The following DLGAP2 variants were observed in gnomAD, a reference collection of about 807,000 sequenced individuals.
The protein encoded by DLGAP2 is DLG associated protein 2.
Under a neutral mutation model 100.3 loss-of-function variants are expected in DLGAP2, and 26 were observed. The ratio of observed to expected loss-of-function variants is 0.26; its 90% CI spans 0.19 to 0.36. The LOEUF is 0.36. Ranked by LOEUF, DLGAP2 falls within the 10% of genes least tolerant of loss-of-function variation. The pLI, the probability that DLGAP2 is intolerant of heterozygous loss-of-function variation, is 1.00. For synonymous variants in DLGAP2, 886 were observed against 630.1 expected (o/e 1.41, Z -6.08); for missense variants, 1,858 against 1,453.2 (o/e 1.28, Z -4.53).
rs775391243 is a variant in DLGAP2, at chr8:1,632,954, T to G, written c.1718T>G (p.Leu573Arg). 2 of 1,614,012 alleles carry G rather than the reference T, an allele frequency of 1.2e-6. No homozygotes were observed. The highest frequency in any genetic ancestry group is 3.3e-5 in the Admixed American group (2 of 60,024). The change falls in exon 8 of 15, where the codon CTT becomes CGT. Residue 573 changes from leucine to arginine, a missense_variant. Physicochemically the swap from Leu to Arg is moderately radical, Grantham distance 102. Transcript: ENST00000637795. ...TTCCGAACAAGGAGTCACAGCTACC[T>G]TCGAGCCATTCAAGCCGGCTACTCC... ...GCFRTRSHSY[L>R]RAIQAGYSQD...
intron 3 of DLGAP2, among the ~76,000 whole-genome samples, chr8:1,291,879 C>G (rs1048313060): frequency 2.0e-5 from 3 of 152,186 alleles, no homozygotes; most frequent in African/African-American, 7.2e-5. Flanking sequence ...AGCCTTCTCT[C>G]CAGTCTTGCC....
At chr8:1,364,767 G>C (rs1802071094) in intron 3 of DLGAP2, among the ~76,000 whole-genome samples, 2 of 152,248 alleles carry the variant, frequency 1.3e-5, no homozygotes, top group South Asian at 4.1e-4. Flanking sequence ...CGAAGGACGA[G>C]AGGGCTTCTC....
intron 1 of DLGAP2, among the ~76,000 whole-genome samples, chr8:774,167 T>C (rs1372228285): frequency 6.6e-6 from 1 of 152,204 alleles, no homozygotes; most frequent in East Asian, 1.9e-4. Context: ...TGTCTGTTCA[T>C]GTCCTTCACC....
At chr8:811,026 G>A (rs980424400) in intron 1 of DLGAP2, among the ~76,000 whole-genome samples, 10 of 152,128 alleles carry the variant, frequency 6.6e-5, no homozygotes, top group African/African-American at 2.2e-4. Context: ...AGAAGGCATC[G>A]CTGTCATCTC....
At position 1,701,263 on chromosome 8, in the gene DLGAP2, C is replaced by A. The variant is rs1215994330; in HGVS notation, c.3025C>A (p.Leu1009Met). The part of the protein sequence containing the change: ...GKFPITREKS[L>M]DLPDRQRQEA... ...GTTTCCCATCACAAGAGAAAAATCC[C>A]TGGACCTGCCCGACAGACAACGCCA... Residue 1009 changes from leucine (L) to methionine (M), a missense_variant, in exon 15 of 15, where the codon CTG becomes ATG. Transcript: ENST00000637795. 1 of 1,582,142 alleles carries A rather than the reference C, an allele frequency of 6.3e-7. No homozygotes were observed. Among genetic ancestry groups the A allele is most frequent in the East Asian group, 2.3e-5 (1 of 42,780 alleles).
intron 2 of DLGAP2, among the ~76,000 whole-genome samples, chr8:1,239,555 G>A (rs62487805): frequency 0.62 from 49,258 of 79,742 alleles, 12,522 homozygotes; most frequent in Non-Finnish European, 0.66. Context: ...ACATGGCGCC[G>A]TGTCTGGTTC....
rs1266983993 is a variant in DLGAP2 at position 1,643,396 on chromosome 8, C to A, written c.1810+10350C>A. Among the ~76,000 whole-genome samples, 5 of 15,658 alleles carry A rather than the reference C, an allele frequency of 3.2e-4. No individual in the cohort carries two copies. In the African/African-American group the frequency reaches 4.3e-3, roughly 13 times the overall value. 10.3% of individuals were successfully genotyped at this position (15,658 alleles called of 152,430 possible). A position where few individuals can be genotyped will look rare whatever the true frequency, so the allele number is the denominator to read the frequency against. ...CGGCCCTCACCTGTGTCACCCTCGA[C>A]CCCGCCGGCCCTCACCTGTGTCACC... On this transcript the variant is annotated intron_variant, in intron 8 of 14. Coordinates refer to ENST00000637795, the MANE Select transcript of DLGAP2 (RefSeq NM_001346810.2).
At chr8:1,650,526 C>T (rs771276804) in intron 8 of DLGAP2, among the ~76,000 whole-genome samples, 1 of 152,252 alleles carries the variant, frequency 6.6e-6, no homozygotes, top group Non-Finnish European at 1.5e-5. Context: ...TATTCTAAAA[C>T]ACCCGTGTTA....
intron 2 of DLGAP2, among the ~76,000 whole-genome samples, chr8:987,232 A>T (rs564478213): frequency 6.6e-6 from 1 of 152,030 alleles, no homozygotes; most frequent in East Asian, 1.9e-4. Flanking sequence ...GTCGCCTGAG[A>T]TCAGGAAGCC....
Position 900,894 on chromosome 8 carries a change from A to T in DLGAP2, c.19-7018A>T, listed in dbSNP as rs552145919. On this transcript the variant is annotated intron_variant, in intron 1 of 14. Coordinates refer to ENST00000637795, the MANE Select transcript of DLGAP2 (RefSeq NM_001346810.2). ...TCCGTAGGTCCGACAGCTGAATAAT[A>T]GAAGTTCCAGGAGAAGAGAACAGAG... Among the ~76,000 whole-genome samples, 363 of 152,378 alleles carry T rather than the reference A, an allele frequency of 2.4e-3. 1 individual carries two copies. Among genetic ancestry groups the T allele is most frequent in the African/African-American group, 8.4e-3 (349 of 41,604 alleles).
intron 1 of DLGAP2, among the ~76,000 whole-genome samples, chr8:805,121 G>T (rs1362942902): frequency 1.3e-5 from 2 of 152,172 alleles, no homozygotes; most frequent in Non-Finnish European, 2.9e-5. Context: ...TTCGTAATGG[G>T]AATGATTTGC....
chr8:1,288,876 G>A (rs1447303522), intron 3 of DLGAP2, among the ~76,000 whole-genome samples: 1 of 152,060 alleles, frequency 6.6e-6, no homozygotes, highest in African/African-American at 2.4e-5. Flanking sequence ...TTCCTCCATA[G>A]GCTTCAAATG....
intron 1 of DLGAP2, among the ~76,000 whole-genome samples, chr8:867,587 G>A (rs881430): frequency 0.12 from 18,754 of 152,282 alleles, 1,418 homozygotes; most frequent in Admixed American, 0.18. Flanking sequence ...CTAGGGACAT[G>A]CACACATCTG....
intron 2 of DLGAP2, among the ~76,000 whole-genome samples, chr8:1,185,302 A>G (rs536613088): frequency 2.6e-5 from 4 of 152,252 alleles, no homozygotes; most frequent in African/African-American, 4.8e-5. Flanking sequence ...TGCAATGGAC[A>G]TAAGCCTCGG....
chr8:1,661,778 C>T (rs1488243343), intron 8 of DLGAP2, among the ~76,000 whole-genome samples: 2 of 152,190 alleles, frequency 1.3e-5, no homozygotes, highest in Non-Finnish European at 2.9e-5. Context: ...GTAACTTTCT[C>T]AGGTTTCAAG....
chr8:1,317,355 TCGAGAAAC>T (rs1800781616), intron 3 of DLGAP2, among the ~76,000 whole-genome samples: 2 of 127,972 alleles, frequency 1.6e-5, no homozygotes, highest in Non-Finnish European at 3.3e-5. Flanking sequence ...TGGTCTACAC[TCGAGAAAC>T]TCGGCAGCTT....
chr8:1,491,967 C>A (rs1483482026), intron 3 of DLGAP2, among the ~76,000 whole-genome samples: 5 of 152,238 alleles, frequency 3.3e-5, no homozygotes, highest in African/African-American at 1.2e-4. Context: ...CACCTGGTGA[C>A]TGGAGCCGGG....
intron 3 of DLGAP2, among the ~76,000 whole-genome samples, chr8:1,362,849 C>A (rs747528193): frequency 6.6e-6 from 1 of 152,196 alleles, no homozygotes; most frequent in Non-Finnish European, 1.5e-5. Flanking sequence ...TTTTGTTGAA[C>A]GTTTCAAAGT....
At chr8:1,477,314 C>T (rs1584940660) in intron 3 of DLGAP2, among the ~76,000 whole-genome samples, 1 of 152,250 alleles carries the variant, frequency 6.6e-6, no homozygotes, top group Admixed American at 6.5e-5. Flanking sequence ...GTGTCCCAGG[C>T]CATGTTGGTG....
Sources: allele counts gnomAD v4.1 joint callset (sites outside exome capture counted in the v4.1 genomes callset), GRCh38; gene constraint gnomAD v4.1.1; transcripts MANE v1.5; gene names NCBI Gene and HGNC (gene_info 2026-07-23, HGNC 2026-07-21).